Variants in WASF2 observed in about 807,000 individuals in gnomAD.
WASF2 encodes the protein WASP family member 2, also known as actin-binding protein WASF2.
A neutral mutation model predicts 45.0 loss-of-function variants in WASF2; 14 were observed. The ratio of observed to expected loss-of-function variants is 0.31; its 90% CI spans 0.21 to 0.49. The LOEUF (loss-of-function observed/expected upper bound fraction) is 0.49, where lower values mean the gene tolerates loss of function less well. WASF2 is among the 20% of genes least tolerant of loss of function. WASF2 has a pLI of 0.99. For synonymous variants in WASF2, 200 were observed against 236.3 expected, an observed-to-expected ratio of 0.85 and a Z score of 1.41; for missense variants, 439 against 636.1, an observed-to-expected ratio of 0.69 and a Z score of 3.33.
intron 7 of WASF2, 111 bp downstream of exon 7, chr1:27,412,461 T>G (rs2016773484): frequency 6.9e-7 from 1 of 1,440,750 alleles, no homozygotes. Context: ...TCCCACCACC[T>G]TGGCCTCCCA....
At chr1:27,482,400 T>C (rs1166834366) in intron 1 of WASF2, among the ~76,000 whole-genome samples, 2 of 152,210 alleles carry the variant, frequency 1.3e-5, no homozygotes, top group Admixed American at 6.5e-5. Flanking sequence ...CATCAAGAGA[T>C]ACATCTTAGC....
At chr1:27,454,585 G>A (rs559920237) in intron 1 of WASF2, among the ~76,000 whole-genome samples, 32 of 152,130 alleles carry the variant, frequency 2.1e-4, no homozygotes, top group Admixed American at 4.6e-4. Context: ...GGATCCTCCC[G>A]CCTTGGCCTC....
chr1:27,448,616 C>T (rs567712666), intron 1 of WASF2, among the ~76,000 whole-genome samples: 67 of 151,974 alleles, frequency 4.4e-4, no homozygotes, highest in African/African-American at 1.6e-3. Flanking sequence ...TTTGGGAGGC[C>T]GAGGTGGGTG....
chr1:27,480,345 C>G (rs570653902), intron 1 of WASF2, among the ~76,000 whole-genome samples: 2 of 151,720 alleles, frequency 1.3e-5, no homozygotes, highest in Non-Finnish European at 2.9e-5. Flanking sequence ...GGTGAAGCCC[C>G]ATCTCTACTA....
chr1:27,409,243 TA>T (rs1335601014), intron 8 of WASF2, among the ~76,000 whole-genome samples: 3 of 151,070 alleles, frequency 2.0e-5, no homozygotes, highest in Non-Finnish European at 3.0e-5. Flanking sequence ...GCTAACAAAG[TA>T]AAACTCCATC....
At chr1:27,419,684 G>A (rs997712455) in intron 2 of WASF2, among the ~76,000 whole-genome samples, 3 of 152,134 alleles carry the variant, frequency 2.0e-5, no homozygotes, top group Non-Finnish European at 4.4e-5. Flanking sequence ...TTATAAAACG[G>A]TTCTGAAAAA....
At chr1:27,420,614 C>T (rs554385916) in intron 2 of WASF2, among the ~76,000 whole-genome samples, 157 of 151,210 alleles carry the variant, frequency 1.0e-3, no homozygotes, top group African/African-American at 3.6e-3. Flanking sequence ...CTCTGCCTCC[C>T]GCGTTCAAGT....
chr1:27,421,160 T>C (rs2016903646), intron 2 of WASF2, among the ~76,000 whole-genome samples: 1 of 152,216 alleles, frequency 6.6e-6, no homozygotes, highest in African/African-American at 2.4e-5. Flanking sequence ...CCTAAACAAC[T>C]ATGGGACGCT....
chr1:27,411,245 T>G (rs2016757108), intron 7 of WASF2, among the ~76,000 whole-genome samples: 1 of 152,224 alleles, frequency 6.6e-6, no homozygotes, highest in Admixed American at 6.5e-5. Context: ...AAGCTCTCAT[T>G]TATCAGGCAT....
intron 1 of WASF2, among the ~76,000 whole-genome samples, chr1:27,461,522 G>T (rs187231485): frequency 2.7e-5 from 4 of 149,090 alleles, no homozygotes; most frequent in African/African-American, 9.9e-5. Flanking sequence ...GTGCAGTGAC[G>T]ACGGATCTTG....
At position 27,414,120 on chromosome 1, in the gene WASF2, G is replaced by A. The variant is rs1285373087; in HGVS notation, c.668+713C>T. ...GTGTATTTAGAGAAAAAACCAGGGC[G>A]ACATTCATGCCAAGCAGTCATGGTG... is the stretch of plus-strand genomic sequence containing the variant. On this transcript the variant is annotated intron_variant, in intron 6 of 8. Transcript: ENST00000618852. This position sits in a 1 kb window ranked among gnomAD's most constrained non-coding sequence, Gnocchi z 4.1. Among the ~76,000 whole-genome samples, 2 of 152,158 alleles carry A rather than the reference G, an allele frequency of 1.3e-5. No individual in the cohort carries two copies. Among genetic ancestry groups the A allele is most frequent in the Non-Finnish European group, 2.9e-5 (2 of 68,036 alleles).
At chr1:27,451,109 T>A (rs560319175) in intron 1 of WASF2, among the ~76,000 whole-genome samples, 33 of 152,264 alleles carry the variant, frequency 2.2e-4, no homozygotes, top group Non-Finnish European at 1.2e-4. Flanking sequence ...CAATTATTTG[T>A]TCATTCAGTG....
intron 1 of WASF2, among the ~76,000 whole-genome samples, chr1:27,443,801 C>G (rs532246536): frequency 6.6e-6 from 1 of 151,816 alleles, no homozygotes; most frequent in African/African-American, 2.4e-5. Flanking sequence ...TATTTAGAGA[C>G]AGAGTTTTGC....
At chr1:27,413,541 G>T (rs1261673099) in intron 6 of WASF2, among the ~76,000 whole-genome samples, 1 of 152,170 alleles carries the variant, frequency 6.6e-6, no homozygotes, top group African/African-American at 2.4e-5. Flanking sequence ...ATCAAAAGAT[G>T]CTCTGATGTG....
chr1:27,442,778 G>A lies in WASF2; in HGVS notation c.-43-13845C>T, dbSNP rs535467012. On this transcript the variant is annotated intron_variant, in intron 1 of 8. Transcript: ENST00000618852. ...AGCACTTTAGGGGGCCGAGGTGGGC[G>A]GATCACGAGGTCAGGAGTTTGCGAC... Among the ~76,000 whole-genome samples, 58 of 150,642 alleles carry A rather than the reference G, an allele frequency of 3.9e-4. 1 individual carries two copies. In the South Asian group the frequency reaches 9.1e-3, roughly 24 times the overall value.
chr1:27,462,443 C>G (rs2017558576), intron 1 of WASF2, among the ~76,000 whole-genome samples: 1 of 151,848 alleles, frequency 6.6e-6, no homozygotes, highest in Non-Finnish European at 1.5e-5. Context: ...TATCTTTTAC[C>G]CGTTGTCTCA....
chr1:27,472,262 T>C (rs1283634505), intron 1 of WASF2, among the ~76,000 whole-genome samples: 1 of 145,708 alleles, frequency 6.9e-6, no homozygotes, highest in East Asian at 2.0e-4. Context: ...GAGACTGATG[T>C]GGTGGTAAGC....
chr1:27,442,895 G>C (rs775678672), intron 1 of WASF2, among the ~76,000 whole-genome samples: 37 of 150,036 alleles, frequency 2.5e-4, no homozygotes, highest in African/African-American at 4.2e-4. Flanking sequence ...CAGCTACTCA[G>C]GAGGAGAATC....
In WASF2 at chr1:27,422,394, C is replaced by T. The variant is rs375084261; in HGVS notation, c.131-3306G>A. ...CAGCACTTTGGGAGGCTGAGGTGGG[C>T]GGATCACGAGGTCAGGAGATCACAA... On this transcript the variant is annotated intron_variant, in intron 2 of 8. Coordinates refer to ENST00000618852, the MANE Select transcript of WASF2 (RefSeq NM_006990.5). 2.0e-4 allele frequency among the ~76,000 whole-genome samples: 31 copies of T among 151,742 alleles called. 1 individual carries two copies. In the East Asian group the frequency reaches 4.1e-3, roughly 20 times the overall value.
Sources: allele counts gnomAD v4.1 joint callset (sites outside exome capture counted in the v4.1 genomes callset), GRCh38; gene constraint gnomAD v4.1.1; non-coding constraint Gnocchi (gnomAD v3.1); transcripts MANE v1.5; gene names NCBI Gene and HGNC (gene_info 2026-07-23, HGNC 2026-07-21).